GNG4: variants seen among roughly 807,000 people sequenced by gnomAD.
GNG4 encodes the protein guanine nucleotide-binding protein G(I)/G(S)/G(O) subunit gamma-4.
In GNG4, 4 loss-of-function variants were observed where a neutral mutation model predicts 5.8. The ratio of observed to expected loss-of-function variants is 0.69; its 90% confidence interval spans 0.34 to 1.57. GNG4 has a LOEUF of 1.57. Ranked by LOEUF, GNG4 falls within the 40% of genes most tolerant of loss-of-function variation. GNG4 has a pLI of 0.06. For synonymous variants in GNG4, 29 were observed against 32.9 expected (o/e 0.88, Z 0.41); for missense variants, 96 against 95.1 (o/e 1.01, Z -0.04).
rs1289825136 is a variant in GNG4, at chr1:235,600,129, T to TTTTTTTTTTA, written c.-122-4619_-122-4618insTAAAAAAAAA. On this transcript the variant is annotated intron_variant, in intron 1 of 3. Coordinates refer to ENST00000391854, the MANE Select transcript of GNG4 (RefSeq NM_001098722.2). ...TTTTTTTTTTTTTTTTTTTTTTTTTTAGACAGGCAGAGTCTCACTCTGTCG... is the reference window on the plus strand; with the variant it reads ...TTTTTTTTTTTTTTTTTTTTTTTTTTTTTTTTTTTAAGACAGGCAGAGTCTCACTCTGTCG... Among the ~76,000 whole-genome samples, 197 of 113,094 alleles carry TTTTTTTTTTA rather than the reference T, an allele frequency of 1.7e-3. 9 individuals are homozygous for TTTTTTTTTTA. Among genetic ancestry groups the TTTTTTTTTTA allele is most frequent in the African/African-American group, 6.2e-3 (182 of 29,504 alleles). The allele number at this position is 113,094 out of a possible 152,430, so 74.2% of individuals were successfully genotyped here.
At chr1:235,646,724 T>C (rs1307126998) in intron 1 of GNG4, among the ~76,000 whole-genome samples, 1 of 152,222 alleles carries the variant, frequency 6.6e-6, no homozygotes, top group African/African-American at 2.4e-5. Context: ...CCTGTCACTC[T>C]GTCTACCAAT....
chr1:235,612,534 G>C (rs1251859902), intron 1 of GNG4, among the ~76,000 whole-genome samples: 2 of 152,052 alleles, frequency 1.3e-5, no homozygotes, highest in Non-Finnish European at 1.5e-5. Flanking sequence ...AAATTGGGTA[G>C]GTTTTTTGGA....
intron 2 of GNG4, among the ~76,000 whole-genome samples, chr1:235,584,433 T>C (rs891638505): frequency 2.0e-5 from 3 of 151,782 alleles, no homozygotes; most frequent in Non-Finnish European, 4.4e-5. Flanking sequence ...ACATTTCTAA[T>C]GAATAAAATT....
At chr1:235,593,369 A>AGGG (rs1688029273) in intron 2 of GNG4, among the ~76,000 whole-genome samples, 1 of 152,192 alleles carries the variant, frequency 6.6e-6, no homozygotes, top group Non-Finnish European at 1.5e-5. Flanking sequence ...GACCTGACTC[A>AGGG]CGGCACAGTA....
At chr1:235,596,318 A>G (rs1688126062) in intron 1 of GNG4, among the ~76,000 whole-genome samples, 1 of 151,908 alleles carries the variant, frequency 6.6e-6, no homozygotes, top group Non-Finnish European at 1.5e-5. Context: ...TGGGCAGATC[A>G]ACTGAGGTGG....
chr1:235,552,166 T>C lies in GNG4; in HGVS notation c.171A>G (p.Pro57=). 1 of 1,613,840 alleles carries C rather than the reference T, an allele frequency of 6.2e-7. No homozygotes were observed. Among genetic ancestry groups the C allele is most frequent in the Admixed American group, 1.7e-5 (1 of 60,020 alleles). ...AHVREDPLII[P]VPASENPFRE... is the part of the protein sequence containing the mutation. ...GAAAGGGGTTTTCTGATGCAGGCAC[T>C]GGAATGATGAGAGGATCTTCCCGCA... The change falls in exon 4 of 4, where the codon CCA becomes CCG. Residue 57 remains proline, a synonymous_variant. Transcript: ENST00000391854.
intron 1 of GNG4, among the ~76,000 whole-genome samples, chr1:235,598,669 C>T (rs1312191086): frequency 6.6e-6 from 1 of 151,706 alleles, no homozygotes; most frequent in East Asian, 1.9e-4. Context: ...AACCCCAGGC[C>T]CTTTAAGCCA....
intron 2 of GNG4, among the ~76,000 whole-genome samples, chr1:235,592,764 A>C (rs1212137925): frequency 6.6e-6 from 1 of 152,108 alleles, no homozygotes; most frequent in Non-Finnish European, 1.5e-5. Context: ...CTTTCCTGAA[A>C]TGTACCTCCG....
At chr1:235,640,944 C>G (rs79537076) in intron 1 of GNG4, among the ~76,000 whole-genome samples, 5 of 152,224 alleles carry the variant, frequency 3.3e-5, no homozygotes, top group African/African-American at 4.8e-5. Flanking sequence ...CTGCTTCTTG[C>G]GTGTCATTTT....
At chr1:235,628,196 GACAACA>G (rs560989597) in intron 1 of GNG4, among the ~76,000 whole-genome samples, 2 of 151,104 alleles carry the variant, frequency 1.3e-5, no homozygotes, top group African/African-American at 4.9e-5. Flanking sequence ...CAACAACAAA[GACAACA>G]ACAACAACAA....
intron 1 of GNG4, among the ~76,000 whole-genome samples, chr1:235,623,150 A>G (rs1406223288): frequency 6.6e-6 from 1 of 152,174 alleles, no homozygotes; most frequent in East Asian, 1.9e-4. Flanking sequence ...TTCCCTGACC[A>G]GAAAGACAGG....
intron 1 of GNG4, among the ~76,000 whole-genome samples, chr1:235,645,797 C>CAAAAAAAAAAA (rs6143682): frequency 5.5e-5 from 5 of 90,384 alleles, no homozygotes; most frequent in African/African-American, 2.0e-4. Flanking sequence ...AACTCAGTCT[C>CAAAAAAAAAAA]AAAAAAAAAA....
rs141025233 is a variant in GNG4, at chr1:235,590,553, G to A, written c.-11+4847C>T. Among the ~76,000 whole-genome samples the A allele has an allele frequency of 1.9e-4, 29 of 152,224 alleles. No individual in the cohort carries two copies. The East Asian group carries it at 4.1e-3, about 21-fold the overall frequency. On this transcript the variant is annotated intron_variant, in intron 2 of 3. Transcript: ENST00000391854. ...ATGTAAGGATGAAAAGCCGTCTTTC[G>A]GGAGCACTGGGTAAACAGGCCTGCT...
intron 3 of GNG4, among the ~76,000 whole-genome samples, chr1:235,561,081 C>A (rs965780108): frequency 6.6e-6 from 1 of 152,220 alleles, no homozygotes; most frequent in African/African-American, 2.4e-5. Context: ...GCCATCTCGG[C>A]TCACTGCAAG....
chr1:235,593,723 T>G (rs1688047443), intron 2 of GNG4, among the ~76,000 whole-genome samples: 3 of 152,062 alleles, frequency 2.0e-5, no homozygotes, highest in African/African-American at 7.2e-5. Context: ...AGCTTCACGG[T>G]GAGTGTTACA....
intron 1 of GNG4, among the ~76,000 whole-genome samples, chr1:235,645,651 G>A (rs920645399): frequency 2.6e-5 from 4 of 151,964 alleles, no homozygotes; most frequent in Non-Finnish European, 5.9e-5. Flanking sequence ...TACAAAATTA[G>A]CCGGGCGCGG....
At chr1:235,630,192 C>A (rs1025115822) in intron 1 of GNG4, among the ~76,000 whole-genome samples, 3 of 152,276 alleles carry the variant, frequency 2.0e-5, no homozygotes, top group East Asian at 1.9e-4. Flanking sequence ...GAATGAGTAA[C>A]CTCCATTCCC....
At chr1:235,610,662 T>A (rs1688458590) in intron 1 of GNG4, among the ~76,000 whole-genome samples, 2 of 152,206 alleles carry the variant, frequency 1.3e-5, no homozygotes, top group Admixed American at 6.5e-5. Context: ...TCATTTTTGA[T>A]TAATTTCTGA....
At chr1:235,645,950 AC>A (rs1657500291) in intron 1 of GNG4, among the ~76,000 whole-genome samples, 2 of 152,192 alleles carry the variant, frequency 1.3e-5, no homozygotes, top group African/African-American at 4.8e-5. Context: ...AGGCAGGGGC[AC>A]CAGGAGGAGG....
Sources: gnomAD v4.1 joint callset for allele counts (sites outside exome capture counted in the v4.1 genomes callset) on GRCh38, gnomAD v4.1.1 for gene constraint, MANE v1.5 for transcripts, NCBI Gene and HGNC (gene_info 2026-07-23, HGNC 2026-07-21) for gene names.